PCDHGA6: variants seen among roughly 807,000 people sequenced by gnomAD.
The protein encoded by PCDHGA6 is protocadherin gamma-A6.
Under a neutral mutation model 60.6 loss-of-function variants are expected in PCDHGA6, and 41 were observed. The ratio of observed to expected loss-of-function variants is 0.68; its 90% CI spans 0.53 to 0.88. The LOEUF (loss-of-function observed/expected upper bound fraction) is 0.88, where lower values mean the gene tolerates loss of function less well. PCDHGA6 is among the 40% of genes least tolerant of loss of function. PCDHGA6 has a pLI of 0.00. For synonymous variants in PCDHGA6, 594 were observed against 524.4 expected, an observed-to-expected ratio of 1.13 and a Z score of -1.81; for missense variants, 1,312 against 1,203.0, an observed-to-expected ratio of 1.09 and a Z score of -1.34.
chr5:141,473,238 G>A (rs1265577738), intron 1 of PCDHGA6, among the ~76,000 whole-genome samples: 4 of 152,200 alleles, frequency 2.6e-5, no homozygotes, highest in Admixed American at 6.5e-5. Context: ...ATCCACACAA[G>A]TGAATACATA....
chr5:141,503,912 AAC>A lies in PCDHGA6; in HGVS notation c.2484-1471_2484-1470del, dbSNP rs34419983. Among the ~76,000 whole-genome samples, 284 of 152,278 alleles carry A rather than the reference AAC, an allele frequency of 1.9e-3. 1 individual carries two copies. The highest frequency in any genetic ancestry group is 0.014 in the Middle Eastern group (4 of 292). Reference sequence around the variant, plus strand: ...GACAAAATATGCACACACACAACGCAACACACACACAGACATTTTCATGCCTT... The same window carrying A: ...GACAAAATATGCACACACACAACGCAACACACACAGACATTTTCATGCCTT... On this transcript the variant is annotated intron_variant, in intron 2 of 3. Coordinates refer to ENST00000517434, the MANE Select transcript of PCDHGA6 (RefSeq NM_018919.3).
Position 141,486,859 on chromosome 5 carries a change from T to C in PCDHGA6, c.2425-7948T>C, listed in dbSNP as rs1231188225. ...TTGTGCTGGACCTCAATGACAATGC[T>C]CCAGCTGTGCTCCGTCCTCGGGCCC... On this transcript the variant is annotated intron_variant, in intron 1 of 3. Transcript: ENST00000517434. The surrounding 1 kb of genome is among the most constrained non-coding windows in gnomAD (Gnocchi z 5.0). The C allele has an allele frequency of 1.9e-6, 3 of 1,614,242 alleles. No individual in the cohort carries two copies. The highest frequency in any genetic ancestry group is 2.7e-5 in the African/African-American group (2 of 75,072).
intron 1 of PCDHGA6, among the ~76,000 whole-genome samples, chr5:141,450,162 A>T (rs2098671900): frequency 6.6e-6 from 1 of 151,624 alleles, no homozygotes; most frequent in Admixed American, 6.6e-5. Flanking sequence ...ATGTGCCACC[A>T]CACTCCCACC....
At chr5:141,398,223 G>C (rs995722310) in intron 1 of PCDHGA6, 1 of 1,482,728 alleles carries the variant, frequency 6.7e-7, no homozygotes, top group South Asian at 1.3e-5. Context: ...TCTGTGAGCA[G>C]ATCCGCTACA....
At chr5:141,492,495 G>A (rs750427038) in intron 1 of PCDHGA6, among the ~76,000 whole-genome samples, 65 of 152,186 alleles carry the variant, frequency 4.3e-4, no homozygotes, top group Non-Finnish European at 6.0e-4. Context: ...ACCAGGCGAG[G>A]ACTCCGGAGC....
In PCDHGA6 at chr5:141,428,010, G is replaced by C. The variant is rs544491298; in HGVS notation, c.2424+51503G>C. The C allele has an allele frequency of 1.2e-4, 192 of 1,603,004 alleles. 6 individuals are homozygous for C. In the South Asian group the frequency reaches 2.0e-3, roughly 17 times the overall value. ...CGATGGCTCCGCACTCTTCGATATA[G>C]TGCCACGCGCCGCAGAGTCCGGCTA... On this transcript the variant is annotated intron_variant, in intron 1 of 3. Transcript: ENST00000517434.
chr5:141,468,815 A>G (rs866523229), intron 1 of PCDHGA6, among the ~76,000 whole-genome samples: 7 of 151,958 alleles, frequency 4.6e-5, no homozygotes, highest in Middle Eastern at 3.4e-3. Context: ...GCAGTGAGCC[A>G]AGATCAAGCC....
chr5:141,384,822 C>T (rs149266522), intron 1 of PCDHGA6: 80 of 1,613,436 alleles, frequency 5.0e-5, no homozygotes, highest in Admixed American at 3.2e-4. Flanking sequence ...TCAAGCAGAG[C>T]CTCGTGGTGG....
At chr5:141,382,689 T>C in intron 1 of PCDHGA6, 3 of 445,878 alleles carry the variant, frequency 6.7e-6, no homozygotes, top group African/African-American at 2.0e-5. Flanking sequence ...CAGGGAAAAA[T>C]GGTGCGAGAG....
chr5:141,434,564 A>C (rs2097703207), intron 1 of PCDHGA6, among the ~76,000 whole-genome samples: 1 of 152,228 alleles, frequency 6.6e-6, no homozygotes, highest in Admixed American at 6.5e-5. Context: ...CCTTAAGGAC[A>C]TGCCCCTGCT....
chr5:141,416,504 C>CA (rs1467352050), intron 1 of PCDHGA6: 4 of 152,040 alleles, frequency 2.6e-5, no homozygotes, highest in African/African-American at 9.7e-5. Context: ...AGATATATGA[C>CA]AAAGCTATTT....
chr5:141,390,025 G>T lies in PCDHGA6; in HGVS notation c.2424+13518G>T, dbSNP rs762363185. On this transcript the variant is annotated intron_variant, in intron 1 of 3. Coordinates refer to ENST00000517434, the MANE Select transcript of PCDHGA6 (RefSeq NM_018919.3). ...ATTCTGGCCATTGCCTTGCGCCTGC[G>T]ACGCTCCTCCAGCCCCGCCTCCTGG... The T allele has an allele frequency of 3.0e-5, 48 of 1,613,882 alleles. No individual in the cohort carries two copies. The East Asian group carries it at 1.1e-3, about 36-fold the overall frequency.
chr5:141,407,159 A>G (rs1349203478), intron 1 of PCDHGA6, among the ~76,000 whole-genome samples: 1 of 152,232 alleles, frequency 6.6e-6, no homozygotes, highest in Non-Finnish European at 1.5e-5. Context: ...AGTGTCTGGG[A>G]ATCCTTTATG....
chr5:141,496,980 G>T (rs186715298), intron 2 of PCDHGA6, among the ~76,000 whole-genome samples: 1 of 151,974 alleles, frequency 6.6e-6, no homozygotes, highest in Admixed American at 6.6e-5. Flanking sequence ...GAGGTCAGGG[G>T]TTTGAGACCA....
intron 1 of PCDHGA6, chr5:141,423,750 T>TG (rs144521096): frequency 0.16 from 45,934 of 282,282 alleles, 1,791 homozygotes; most frequent in African/African-American, 0.37. Context: ...GAAAACTGTT[T>TG]GGGGGGGGGG....
intron 1 of PCDHGA6, among the ~76,000 whole-genome samples, chr5:141,453,135 A>G (rs932061368): frequency 6.6e-6 from 1 of 151,778 alleles, no homozygotes; most frequent in Non-Finnish European, 1.5e-5. Context: ...TGTTTTTGAG[A>G]TAGGGTCTCG....
intron 1 of PCDHGA6, chr5:141,409,175 G>A: frequency 5.0e-6 from 8 of 1,614,008 alleles, no homozygotes; most frequent in Non-Finnish European, 6.8e-6. Flanking sequence ...GAAGGACGGA[G>A]GTGGTCTCTC....
intron 1 of PCDHGA6, chr5:141,408,080 C>G: frequency 7.1e-7 from 1 of 1,412,844 alleles, no homozygotes; most frequent in Non-Finnish European, 9.3e-7. Flanking sequence ...TTTCCCAGCA[C>G]AGCGGATTGC....
rs1233148754 is a variant in PCDHGA6, at chr5:141,428,157, T to A, written c.2424+51650T>A. ...CCTGGGGCTGCACACGGGAACCTGC[T>A]GGTTGCTGTGCGTGACGGAGGACAG... On this transcript the variant is annotated intron_variant, in intron 1 of 3. Coordinates refer to ENST00000517434, the MANE Select transcript of PCDHGA6 (RefSeq NM_018919.3). The A allele has an allele frequency of 4.4e-6, 7 of 1,575,024 alleles. No individual in the cohort carries two copies. The East Asian group carries it at 1.6e-4, about 35-fold the overall frequency.
Sources: allele counts gnomAD v4.1 joint callset (sites outside exome capture counted in the v4.1 genomes callset), GRCh38; gene constraint gnomAD v4.1.1; non-coding constraint Gnocchi (gnomAD v3.1); transcripts MANE v1.5; gene names NCBI Gene and HGNC (gene_info 2026-07-23, HGNC 2026-07-21).